The following ZNF804B variants were observed in gnomAD, a reference collection of about 807,000 sequenced individuals.
ZNF804B encodes zinc finger protein 804B.
ZNF804B carries 80 observed loss-of-function variants against 101.4 expected under a neutral mutation model. That is an observed-to-expected ratio of 0.79 (90% confidence interval 0.66 to 0.95). The LOEUF (loss-of-function observed/expected upper bound fraction) is 0.95. ZNF804B is among the 40% of genes least tolerant of loss of function. The probability of loss-of-function intolerance (pLI) is 0.00; values close to 1 mark genes in which losing one functional copy is unlikely to be tolerated. For synonymous variants in ZNF804B, 622 were observed against 558.8 expected (o/e 1.11, Z -1.59); for missense variants, 1,673 against 1,561.9 (o/e 1.07, Z -1.20).
chr7:89,116,895 A>G (rs1417254430), intron 1 of ZNF804B, among the ~76,000 whole-genome samples: 1 of 152,218 alleles, frequency 6.6e-6, no homozygotes, highest in East Asian at 1.9e-4. Context: ...TGGCAAATAT[A>G]TTGCAGATAT....
intron 1 of ZNF804B, among the ~76,000 whole-genome samples, chr7:88,876,023 T>C (rs1791933289): frequency 6.6e-6 from 1 of 152,158 alleles, no homozygotes; most frequent in South Asian, 2.1e-4. Flanking sequence ...AATCAATAAA[T>C]GTAATCCAGC....
At chr7:88,845,301 G>GCGCACACACACACA (rs1554339289) in intron 1 of ZNF804B, among the ~76,000 whole-genome samples, 2 of 149,920 alleles carry the variant, frequency 1.3e-5, no homozygotes, top group African/African-American at 2.4e-5. Context: ...GCACGCGCGC[G>GCGCACACACACACA]CACACACACA....
intron 1 of ZNF804B, among the ~76,000 whole-genome samples, chr7:89,185,466 T>C (rs1338588148): frequency 6.6e-6 from 1 of 150,722 alleles, no homozygotes; most frequent in Non-Finnish European, 1.5e-5. Flanking sequence ...CTGTGTACCT[T>C]AGACTTACCC....
chr7:88,961,285 T>C (rs765936035), intron 1 of ZNF804B, among the ~76,000 whole-genome samples: 2 of 151,434 alleles, frequency 1.3e-5, no homozygotes, highest in African/African-American at 2.4e-5. Flanking sequence ...TAGTGTCTTA[T>C]TATTTTAAAG....
At chr7:88,878,171 C>T (rs1467877916) in intron 1 of ZNF804B, among the ~76,000 whole-genome samples, 1 of 151,996 alleles carries the variant, frequency 6.6e-6, no homozygotes, top group Non-Finnish European at 1.5e-5. Flanking sequence ...AAAATTCTTC[C>T]ACTGGTGGTA....
At chr7:89,111,907 C>G (rs1337235019) in intron 1 of ZNF804B, among the ~76,000 whole-genome samples, 1 of 151,882 alleles carries the variant, frequency 6.6e-6, no homozygotes, top group Non-Finnish European at 1.5e-5. Flanking sequence ...AGTTTGACAC[C>G]AGTCTGGCCA....
chr7:89,172,079 C>A (rs1584031465), intron 1 of ZNF804B, among the ~76,000 whole-genome samples: 4 of 152,118 alleles, frequency 2.6e-5, no homozygotes, highest in Admixed American at 2.0e-4. Flanking sequence ...TGAAAGGGCA[C>A]TTTGAGTTCA....
In ZNF804B at chr7:89,333,779, G is replaced by A. The variant is rs1791024906; in HGVS notation, c.797G>A (p.Cys266Tyr). 1 of 1,613,224 alleles carries A rather than the reference G, an allele frequency of 6.2e-7. No homozygotes were observed. Among genetic ancestry groups the A allele is most frequent in the Non-Finnish European group, 8.5e-7 (1 of 1,179,714 alleles). Residue 266 changes from cysteine to tyrosine, a missense_variant, in exon 4 of 4, where the codon TGC (cysteine) becomes TAC (tyrosine). Physicochemically the swap from Cys to Tyr is radical, Grantham distance 194. Coordinates refer to ENST00000333190, the MANE Select transcript of ZNF804B (RefSeq NM_181646.5). ...CAAACTGCAGATAAGTGCAAGTGCTGCAGGTTTGCAAATAAAGATACACAC... is the reference window on the plus strand; with the variant it reads ...CAAACTGCAGATAAGTGCAAGTGCTACAGGTTTGCAAATAAAGATACACAC... The part of the protein sequence containing the change: ...TKQTADKCKC[C>Y]RFANKDTHLT...
chr7:88,820,441 T>C (rs1475548089), intron 1 of ZNF804B, among the ~76,000 whole-genome samples: 1 of 152,120 alleles, frequency 6.6e-6, no homozygotes, highest in Non-Finnish European at 1.5e-5. Flanking sequence ...GGCAATTGCC[T>C]GCCCATTATC....
intron 1 of ZNF804B, among the ~76,000 whole-genome samples, chr7:89,200,256 T>C (rs2115647273): frequency 6.6e-6 from 1 of 152,064 alleles, no homozygotes; most frequent in Admixed American, 6.6e-5. Flanking sequence ...TTTCTCAAGT[T>C]TTATCTCTAT....
chr7:89,183,387 G>T (rs777502864), intron 1 of ZNF804B, among the ~76,000 whole-genome samples: 1 of 151,612 alleles, frequency 6.6e-6, no homozygotes, highest in African/African-American at 2.4e-5. Context: ...AAACTAGAGA[G>T]TAAAAAAAAA....
intron 1 of ZNF804B, among the ~76,000 whole-genome samples, chr7:89,151,858 G>T (rs1023029614): frequency 6.6e-6 from 1 of 152,036 alleles, no homozygotes; most frequent in African/African-American, 2.4e-5. Context: ...TACCTCCTAG[G>T]CAGGAACTAC....
At chr7:89,162,375 A>G (rs982655956) in intron 1 of ZNF804B, among the ~76,000 whole-genome samples, 3 of 152,180 alleles carry the variant, frequency 2.0e-5, no homozygotes, top group African/African-American at 7.2e-5. Context: ...AATGCATTTT[A>G]TCTGTCTAAC....
chr7:89,335,540 G>C lies in ZNF804B; in HGVS notation c.2558G>C (p.Arg853Thr), dbSNP rs142967257. The change falls in exon 4 of 4, where the codon AGA becomes ACA. Residue 853 changes from arginine (R) to threonine (T), a missense_variant. By Grantham distance (71) the Arg-to-Thr change is moderately conservative (BLOSUM62 -1). Transcript: ENST00000333190. ...PPNCQGTQHD[R>T]LDSYSIEKMY... ...AATTGCCAGGGAACTCAGCACGACA[G>C]ATTGGACTCTTACTCAATAGAGAAA... is the stretch of plus-strand genomic sequence containing the variant. 5 of 1,613,802 alleles carry C rather than the reference G, an allele frequency of 3.1e-6. No individual in the cohort carries two copies. The African/African-American group carries it at 6.7e-5, about 22-fold the overall frequency.
chr7:89,077,117 A>G (rs902387605), intron 1 of ZNF804B, among the ~76,000 whole-genome samples: 3 of 39,636 alleles, frequency 7.6e-5, no homozygotes, highest in Non-Finnish European at 1.6e-4. Context: ...TCCCTGTCAT[A>G]ATGGTCAGTA....
At chr7:88,920,337 C>CA (rs1352280683) in intron 1 of ZNF804B, among the ~76,000 whole-genome samples, 1 of 151,998 alleles carries the variant, frequency 6.6e-6, no homozygotes, top group East Asian at 1.9e-4. Flanking sequence ...TTACTACTAA[C>CA]ATTTACTTGG....
chr7:88,988,301 G>A (rs552827905), intron 1 of ZNF804B, among the ~76,000 whole-genome samples: 2 of 151,936 alleles, frequency 1.3e-5, no homozygotes, highest in South Asian at 4.2e-4. Context: ...AGTCACTAAG[G>A]GAAGATCAGA....
chr7:88,970,070 C>T (rs540554134), intron 1 of ZNF804B, among the ~76,000 whole-genome samples: 45 of 151,308 alleles, frequency 3.0e-4, no homozygotes, highest in Admixed American at 2.9e-3. Context: ...TCCTTCCTTT[C>T]CTTCCTTTCC....
chr7:88,909,262 T>A (rs149365211), intron 1 of ZNF804B, among the ~76,000 whole-genome samples: 1 of 151,952 alleles, frequency 6.6e-6, no homozygotes, highest in Non-Finnish European at 1.5e-5. Flanking sequence ...GAAAAACTGT[T>A]TTTCCTCATC....
Sources: allele counts gnomAD v4.1 joint callset (sites outside exome capture counted in the v4.1 genomes callset), GRCh38; gene constraint gnomAD v4.1.1; transcripts MANE v1.5; gene names NCBI Gene and HGNC (gene_info 2026-07-23, HGNC 2026-07-21).